Variants in CEP85L observed in about 807,000 individuals in gnomAD.
CEP85L encodes the protein centrosomal protein 85L, also known as centrosomal protein of 85 kDa-like.
In CEP85L, 60 loss-of-function variants were observed where a neutral mutation model predicts 100.3. The observed-to-expected ratio is 0.60, with a 90% CI of 0.49 to 0.74. CEP85L has a LOEUF of 0.74. Ranked by LOEUF, CEP85L falls within the 30% of genes least tolerant of loss-of-function variation. The pLI is 0.00. For synonymous variants in CEP85L, 319 were observed against 322.7 expected (o/e 0.99, Z 0.12); for missense variants, 973 against 936.2 (o/e 1.04, Z -0.51).
intron 1 of CEP85L, among the ~76,000 whole-genome samples, chr6:118,646,565 A>C (rs1362606036): frequency 1.3e-5 from 2 of 152,174 alleles, no homozygotes; most frequent in African/African-American, 2.4e-5. Context: ...GATACTCGGG[A>C]GGCTGAGGTA....
At chr6:118,543,631 A>T (rs1365591389) in intron 3 of CEP85L, among the ~76,000 whole-genome samples, 1 of 152,022 alleles carries the variant, frequency 6.6e-6, no homozygotes, top group Non-Finnish European at 1.5e-5. Flanking sequence ...CTTCTGAATA[A>T]TGAAGGAGTT....
At chr6:118,499,596 G>C (rs983119682) in intron 5 of CEP85L, among the ~76,000 whole-genome samples, 1 of 151,984 alleles carries the variant, frequency 6.6e-6, no homozygotes, top group Non-Finnish European at 1.5e-5. Flanking sequence ...CCCAGGAAAC[G>C]GAGGTTTCAG....
At position 118,686,401 on chromosome 6, in the gene CEP85L, A is replaced by G. The variant is rs1435043961; in HGVS notation, c.-28+23635T>C. Among the ~76,000 whole-genome samples, 3 of 152,148 alleles carry G rather than the reference A, an allele frequency of 2.0e-5. No homozygotes were observed. The East Asian group carries it at 5.8e-4, about 29-fold the overall frequency. On this transcript the variant is annotated intron_variant, in intron 1 of 13. Coordinates refer to the CEP85L transcript ENST00000368488. ...TTTGTTCTCACTCCCAGTCCCAGGC[A>G]ATCACTAATCTGCTTTCTCCATATA...
At chr6:118,656,098 G>A (rs115816051), upstream of CEP85L, among the ~76,000 whole-genome samples, 450 of 152,304 alleles carry the variant, frequency 3.0e-3, 2 homozygotes, top group African/African-American at 0.01. Context: ...AGCTAAGACT[G>A]GAAACCATGT....
chr6:118,584,576 A>C lies in CEP85L; in HGVS notation c.233-18260T>G, dbSNP rs76934411. ...ACTTTCACCCTTCCTATAGGGAAGG[A>C]CTTCAATCTGTATGTATCAGAAAAG... On this transcript the variant is annotated intron_variant, in intron 2 of 12. Coordinates refer to ENST00000368491, the MANE Select transcript of CEP85L (RefSeq NM_001042475.3). 3.8e-3 allele frequency among the ~76,000 whole-genome samples: 584 copies of C among 152,358 alleles called. 3 individuals carry two copies. The highest frequency in any genetic ancestry group is 0.013 in the African/African-American group (558 of 41,590).
At chr6:118,491,238 CAT>C (rs1554205288) in intron 6 of CEP85L, among the ~76,000 whole-genome samples, 2,722 of 124,104 alleles carry the variant, frequency 0.022, 68 homozygotes, top group African/African-American at 0.07. Flanking sequence ...CACACACACA[CAT>C]ATGCATGCAT....
intron 2 of CEP85L, among the ~76,000 whole-genome samples, chr6:118,574,883 C>T (rs1470771979): frequency 2.0e-5 from 3 of 151,786 alleles, no homozygotes; most frequent in East Asian, 1.9e-4. Flanking sequence ...GCTTTCCTGT[C>T]GAGGGTTTAT....
chr6:118,596,665 T>A (rs1150122), intron 2 of CEP85L, among the ~76,000 whole-genome samples: 4,548 of 149,406 alleles, frequency 0.03, 210 homozygotes, highest in African/African-American at 0.1. Flanking sequence ...CTGATTTTTT[T>A]AAAAAAAAAA....
At chr6:118,593,093 A>C (rs1781280011) in intron 2 of CEP85L, among the ~76,000 whole-genome samples, 1 of 152,234 alleles carries the variant, frequency 6.6e-6, no homozygotes, top group South Asian at 2.1e-4. Flanking sequence ...AAAATACATA[A>C]GCAAGGAAAA....
chr6:118,663,066 G>C (rs780809587), intron 1 of CEP85L, among the ~76,000 whole-genome samples: 5 of 151,666 alleles, frequency 3.3e-5, no homozygotes, highest in Non-Finnish European at 5.9e-5. Flanking sequence ...AAAAAGCAGT[G>C]AACTAAAGTC....
intron 2 of CEP85L, among the ~76,000 whole-genome samples, chr6:118,607,180 G>T (rs1772283414): frequency 6.6e-6 from 1 of 152,144 alleles, no homozygotes; most frequent in Admixed American, 6.5e-5. Flanking sequence ...TTTGTCCCCA[G>T]ATGGGCCCCA....
At chr6:118,474,573 G>A (rs1382663903) in intron 10 of CEP85L, among the ~76,000 whole-genome samples, 3 of 152,148 alleles carry the variant, frequency 2.0e-5, no homozygotes, top group South Asian at 2.1e-4. Flanking sequence ...CTGGTTCTAC[G>A]CTGGGAGAGG....
chr6:118,605,298 G>A (rs148697760), intron 2 of CEP85L, among the ~76,000 whole-genome samples: 3 of 152,258 alleles, frequency 2.0e-5, no homozygotes, highest in Non-Finnish European at 2.9e-5. Flanking sequence ...AGCCCATTTC[G>A]TCATCAGCCC....
intron 5 of CEP85L, chr6:118,501,716 C>T (rs1454768193): frequency 4.5e-5 from 32 of 713,064 alleles, no homozygotes; most frequent in Non-Finnish European, 7.4e-5. Context: ...GAGCCTGAAG[C>T]AGACCACAGA....
At chr6:118,593,832 G>A (rs1367950237) in intron 2 of CEP85L, among the ~76,000 whole-genome samples, 2 of 151,856 alleles carry the variant, frequency 1.3e-5, no homozygotes, top group Admixed American at 6.6e-5. Flanking sequence ...TGTTTTCTGG[G>A]ATGTGATCCA....
intron 1 of CEP85L, among the ~76,000 whole-genome samples, chr6:118,674,432 G>A (rs973375652): frequency 1.3e-5 from 2 of 151,924 alleles, no homozygotes; most frequent in African/African-American, 2.4e-5. Context: ...GCTGAAGCAG[G>A]AGAATTGCTT....
At chr6:118,502,765 T>C (rs1775388706) in intron 5 of CEP85L, 8 of 578,790 alleles carry the variant, frequency 1.4e-5, no homozygotes, top group South Asian at 3.5e-5. Flanking sequence ...CCAATAATCT[T>C]AAAGAACTTG....
At chr6:118,632,695 G>T in intron 1 of CEP85L, 84 bp from the exon 2 acceptor site, 1 of 1,053,946 alleles carries the variant, frequency 9.5e-7, no homozygotes. Flanking sequence ...AATACACATA[G>T]GGTATAAAAG....
At chr6:118,487,272 A>G (rs1774251836) in intron 6 of CEP85L, among the ~76,000 whole-genome samples, 1 of 152,202 alleles carries the variant, frequency 6.6e-6, no homozygotes, top group Admixed American at 6.5e-5. Context: ...GTGTATCAAT[A>G]CACAGTTTAT....
Sources: gnomAD v4.1 joint callset for allele counts (sites outside exome capture counted in the v4.1 genomes callset) on GRCh38, gnomAD v4.1.1 for gene constraint, MANE v1.5 for transcripts, NCBI Gene and HGNC (gene_info 2026-07-23, HGNC 2026-07-21) for gene names.